The following ASTN2 variants were observed in gnomAD, a reference collection of about 807,000 sequenced individuals.
The protein encoded by ASTN2 is astrotactin-2.
A neutral mutation model predicts 139.8 loss-of-function variants in ASTN2; 54 were observed. The observed-to-expected ratio is 0.39, with a 90% confidence interval of 0.31 to 0.48. ASTN2 has a LOEUF of 0.48. ASTN2 is among the 20% of genes least tolerant of loss of function. The probability of loss-of-function intolerance (pLI) is 0.95; values close to 1 mark genes in which losing one functional copy is unlikely to be tolerated. For synonymous variants in ASTN2, 756 were observed against 719.5 expected (o/e 1.05, Z -0.81); for missense variants, 1,565 against 1,725.1 (o/e 0.91, Z 1.64).
intron 12 of ASTN2, among the ~76,000 whole-genome samples, chr9:116,812,586 T>C (rs1831194917): frequency 6.6e-6 from 1 of 152,172 alleles, no homozygotes; most frequent in Admixed American, 6.5e-5. Context: ...TAAAGTGTGT[T>C]ATTTTAGGAC....
intron 3 of ASTN2, among the ~76,000 whole-genome samples, chr9:117,165,807 C>T (rs1830657738): frequency 6.6e-6 from 1 of 152,056 alleles, no homozygotes; most frequent in Non-Finnish European, 1.5e-5. Context: ...AATAATACCA[C>T]CTCCCTATAA....
chr9:116,956,097 T>C (rs1835699060), intron 10 of ASTN2, among the ~76,000 whole-genome samples: 1 of 145,808 alleles, frequency 6.9e-6, no homozygotes, highest in South Asian at 2.2e-4. Context: ...TTCTTTTCTT[T>C]TTTTTTTTTT....
intron 13 of ASTN2, among the ~76,000 whole-genome samples, chr9:116,778,305 C>CA (rs1348991852): frequency 8.6e-5 from 13 of 151,552 alleles, no homozygotes; most frequent in African/African-American, 1.5e-4. Context: ...GACATTATAC[C>CA]AAAAAAAATG....
chr9:116,948,751 C>CAGAG (rs145595672), intron 10 of ASTN2, among the ~76,000 whole-genome samples: 1 of 117,588 alleles, frequency 8.5e-6, no homozygotes. Flanking sequence ...AAAACAGAGA[C>CAGAG]AGAGAGAGAG....
chr9:117,051,287 A>C (rs1273076805), intron 5 of ASTN2, among the ~76,000 whole-genome samples: 1 of 152,146 alleles, frequency 6.6e-6, no homozygotes, highest in African/African-American at 2.4e-5. Context: ...TGCCGGATAC[A>C]TTGTGCTAAA....
chr9:116,840,884 A>G (rs1408037013), intron 11 of ASTN2, among the ~76,000 whole-genome samples: 2 of 150,548 alleles, frequency 1.3e-5, no homozygotes, highest in Non-Finnish European at 3.0e-5. Context: ...GACGCTCCTC[A>G]CTTTCCAGAC....
At chr9:116,990,074 AG>A (rs1401166541) in intron 7 of ASTN2, among the ~76,000 whole-genome samples, 1 of 152,164 alleles carries the variant, frequency 6.6e-6, no homozygotes. Context: ...GTTTAGAGTC[AG>A]AGAGGTCCAA....
intron 1 of ASTN2, among the ~76,000 whole-genome samples, chr9:117,297,402 A>T (rs983217691): frequency 1.3e-5 from 2 of 152,202 alleles, no homozygotes; most frequent in Admixed American, 1.3e-4. Context: ...GAGCCTGGGA[A>T]ATAATCGCAA....
intron 19 of ASTN2, among the ~76,000 whole-genome samples, chr9:116,490,657 C>CA (rs1372160360): frequency 1.3e-5 from 2 of 152,096 alleles, no homozygotes; most frequent in Non-Finnish European, 2.9e-5. Context: ...CACAGGGTGG[C>CA]AGGAGAGAGA....
At chr9:116,703,788 C>G (rs1300334817) in intron 16 of ASTN2, among the ~76,000 whole-genome samples, 1 of 151,836 alleles carries the variant, frequency 6.6e-6, no homozygotes, top group East Asian at 1.9e-4. Context: ...AAGGGAGAAC[C>G]TAGTATGAGA....
intron 12 of ASTN2, among the ~76,000 whole-genome samples, chr9:116,819,527 A>C (rs2416572): frequency 0.25 from 37,866 of 152,118 alleles, 5,102 homozygotes; most frequent in East Asian, 0.5. Flanking sequence ...GACTCTACAC[A>C]CTAGAATCAT....
intron 4 of ASTN2, among the ~76,000 whole-genome samples, chr9:117,105,480 G>A (rs1444914465): frequency 1.3e-5 from 2 of 152,136 alleles, no homozygotes; most frequent in Admixed American, 6.6e-5. Flanking sequence ...TCTGTTACCC[G>A]TGGATGTTTT....
intron 19 of ASTN2, among the ~76,000 whole-genome samples, chr9:116,600,484 T>C (rs1447626332): frequency 6.6e-6 from 1 of 152,184 alleles, no homozygotes; most frequent in African/African-American, 2.4e-5. Context: ...GGTCAGAAGA[T>C]GTAAATTCAA....
At chr9:117,102,674 C>T (rs1307342939) in intron 4 of ASTN2, among the ~76,000 whole-genome samples, 2 of 152,046 alleles carry the variant, frequency 1.3e-5, no homozygotes, top group African/African-American at 4.8e-5. Flanking sequence ...AGGTGTGCAT[C>T]ACCATGCCCA....
At chr9:117,275,819 G>T (rs190728921) in intron 2 of ASTN2, among the ~76,000 whole-genome samples, 2 of 152,134 alleles carry the variant, frequency 1.3e-5, no homozygotes, top group Non-Finnish European at 2.9e-5. Flanking sequence ...ATTCGCCTGC[G>T]TTGGCCTCCC....
intron 2 of ASTN2, among the ~76,000 whole-genome samples, chr9:117,273,299 A>T (rs973688369): frequency 6.6e-6 from 1 of 152,152 alleles, no homozygotes; most frequent in East Asian, 1.9e-4. Context: ...CCCACAACAC[A>T]TGGGAATTCT....
At chr9:116,844,647 A>C (rs1832373235) in intron 11 of ASTN2, among the ~76,000 whole-genome samples, 1 of 152,136 alleles carries the variant, frequency 6.6e-6, no homozygotes, top group African/African-American at 2.4e-5. Context: ...CTAACATAGT[A>C]TCTAGCACAA....
At chr9:116,556,145 G>A (rs556875224) in intron 19 of ASTN2, among the ~76,000 whole-genome samples, 8 of 152,280 alleles carry the variant, frequency 5.3e-5, no homozygotes, top group Non-Finnish European at 1.2e-4. Flanking sequence ...ATAAAAATAT[G>A]AATAAATAAT....
In ASTN2 at chr9:116,976,684, T is replaced by G; in HGVS notation, c.1676+17A>C. 6.2e-7 allele frequency: 1 copy of G among 1,613,436 alleles called. No individual in the cohort carries two copies. The highest frequency in any genetic ancestry group is 8.5e-7 in the Non-Finnish European group (1 of 1,179,406). ...GGGTCCTGCACTGTCCTGGACCTGA[T>G]GCCCTTTGCCACTCACCCTTCACTC... On this transcript the variant is annotated intron_variant, in intron 8 of 22. Coordinates refer to ENST00000313400, the MANE Select transcript of ASTN2 (RefSeq NM_001365068.1).
Sources: gnomAD v4.1 joint callset for allele counts (sites outside exome capture counted in the v4.1 genomes callset) on GRCh38, gnomAD v4.1.1 for gene constraint, MANE v1.5 for transcripts, NCBI Gene and HGNC (gene_info 2026-07-23, HGNC 2026-07-21) for gene names.